Variants in GRID2IP observed in about 807,000 individuals in gnomAD.
The protein encoded by GRID2IP is Grid2 interacting protein, also known as delphilin.
A neutral mutation model predicts 114.3 loss-of-function variants in GRID2IP; 78 were observed. The observed-to-expected ratio is 0.68, with a 90% CI of 0.57 to 0.82. GRID2IP has a LOEUF of 0.82. Ranked by LOEUF, GRID2IP falls within the 40% of genes least tolerant of loss-of-function variation. The pLI is 0.00. For missense variants in GRID2IP, 1,727 were observed against 1,678.5 expected, an observed-to-expected ratio of 1.03 and a Z score of -0.51; for synonymous variants, 809 against 724.0, an observed-to-expected ratio of 1.12 and a Z score of -1.89.
At position 6,520,993 on chromosome 7, in the gene GRID2IP, CAG is replaced by C. The variant is rs1779400773; in HGVS notation, c.1085-234_1085-233del. 6.6e-6 allele frequency among the ~76,000 whole-genome samples: 1 copy of C among 152,144 alleles called. No individual in the cohort carries two copies. Among genetic ancestry groups the C allele is most frequent in the Non-Finnish European group, 1.5e-5 (1 of 68,018 alleles). ...GGTTTTTTGTTTGTTTGTTTTGAGA[CAG>C]AGTCTTGCTCTGTTGCCCAGGCGGG... On this transcript the variant is annotated intron_variant, in intron 6 of 21. Transcript: ENST00000457091. The surrounding 1 kb of genome is among the most constrained non-coding windows in gnomAD (Gnocchi z 4.6).
Position 6,541,889 on chromosome 7 carries a change from T to C in GRID2IP, c.430-2017A>G, listed in dbSNP as rs540278224. 1.2e-4 allele frequency among the ~76,000 whole-genome samples: 19 copies of C among 152,340 alleles called. 1 individual carries two copies. The South Asian group carries it at 3.1e-3, about 25-fold the overall frequency. On this transcript the variant is annotated intron_variant, in intron 1 of 21. Transcript: ENST00000457091. ...TGAGTGAGGTGGTTCACCTGTGTAT[T>C]ATTTCTAACACTAAGACGTTGGCAG... is the stretch of plus-strand genomic sequence containing the variant.
intron 13 of GRID2IP, 71 bp from the exon 14 acceptor site, chr7:6,505,978 C>G: frequency 3.8e-6 from 4 of 1,065,694 alleles, no homozygotes; most frequent in Non-Finnish European, 5.6e-6. Flanking sequence ...ACTTCCCACC[C>G]TCTGAGGGCT....
At chr7:6,538,364 TCAAAACAAAACAAAACAAAA>T (rs57880924) in intron 2 of GRID2IP, among the ~76,000 whole-genome samples, 1,674 of 144,124 alleles carry the variant, frequency 0.012, 13 homozygotes, top group African/African-American at 0.018. Flanking sequence ...AGACCCTGTC[TCAAAACAAAACAAAACAAAA>T]CAAAACAAAA....
At chr7:6,545,927 C>T (rs1779880889) in intron 1 of GRID2IP, among the ~76,000 whole-genome samples, 1 of 152,070 alleles carries the variant, frequency 6.6e-6, no homozygotes, top group African/African-American at 2.4e-5. Context: ...CAAAGGAGAA[C>T]ATGGCTGGCT....
At position 6,520,003 on chromosome 7, in the gene GRID2IP, C is replaced by T. The variant is rs564945047; in HGVS notation, c.1268+575G>A. ...AGAATGCTGCAGGTGGGCCAAGGCA[C>T]GGTGGCTCACGCCTGTAATCCCAGC... is the stretch of plus-strand genomic sequence containing the variant. On this transcript the variant is annotated intron_variant, in intron 7 of 21. Transcript: ENST00000457091. This position sits in a 1 kb window ranked among gnomAD's most constrained non-coding sequence, Gnocchi z 4.6. Among the ~76,000 whole-genome samples, 43 of 151,592 alleles carry T rather than the reference C, an allele frequency of 2.8e-4. No individual in the cohort carries two copies. The highest frequency in any genetic ancestry group is 6.3e-4 in the South Asian group (3 of 4,794).
In GRID2IP at chr7:6,551,133, A is replaced by G. The variant is rs1034031502; in HGVS notation, c.304T>C (p.Leu102=). ...CCGCGGCCGCACCGCGGGGCCCGCA[A>G]GACTGTGGTCGGGGCCGCGGGGCCG... is the stretch of plus-strand genomic sequence containing the variant. ...GSGPAAPTTV[L]RAPRCGRGLA... is the part of the protein sequence containing the mutation. Residue 102 remains leucine, a synonymous_variant, in exon 1 of 22, where the codon TTG becomes CTG. Coordinates refer to ENST00000457091, the MANE Select transcript of GRID2IP (RefSeq NM_001145118.2). The G allele has an allele frequency of 1.4e-4, 181 of 1,318,652 alleles. No homozygotes were observed. The African/African-American group carries it at 2.6e-3, about 19-fold the overall frequency. The allele number at this position is 1,318,652 out of a possible 1,614,324, so 81.7% of individuals were successfully genotyped here.
intron 1 of GRID2IP, among the ~76,000 whole-genome samples, chr7:6,545,254 G>A (rs1439080766): frequency 6.6e-6 from 1 of 152,084 alleles, no homozygotes; most frequent in African/African-American, 2.4e-5. Context: ...GCTCCAGCCT[G>A]GGTGACAGAT....
Position 6,551,060 on chromosome 7 carries a change from G to T in GRID2IP, c.377C>A (p.Pro126Gln). ...ELLRLAGRKR[P>Q]DAVHRERRRK... Reference sequence around the variant, plus strand: ...CCTGCGCTCTCGGTGCACCGCGTCCGGGCGCTTGCGGCCGGCCAGGCGAAG... The same window carrying T: ...CCTGCGCTCTCGGTGCACCGCGTCCTGGCGCTTGCGGCCGGCCAGGCGAAG... The change falls in exon 1 of 22, where the codon CCG (proline) becomes CAG (glutamine). Residue 126 changes from proline (P) to glutamine (Q), a missense_variant. By Grantham distance (76) the Pro-to-Gln change is moderately conservative (BLOSUM62 -1). Transcript: ENST00000457091. 7.7e-7 allele frequency: 1 copy of T among 1,301,088 alleles called. No homozygotes were observed. The highest frequency in any genetic ancestry group is 9.7e-7 in the Non-Finnish European group (1 of 1,028,582). The allele number at this position is 1,301,088 out of a possible 1,614,324, so 80.6% of individuals were successfully genotyped here. A position where few individuals can be genotyped will look rare whatever the true frequency, so the allele number is the denominator to read the frequency against.
In GRID2IP at chr7:6,508,428, A is replaced by C. The variant is rs1348703642; in HGVS notation, c.2128-27T>G. 8 of 1,550,292 alleles carry C rather than the reference A, an allele frequency of 5.2e-6. No homozygotes were observed. Among genetic ancestry groups the C allele is most frequent in the Non-Finnish European group, 7.0e-6 (8 of 1,146,892 alleles). ...TGGTGGTGGGGAGAGAGGCAAGGGGAGGGTGAGGCTGGGCCCAGAGAGACT... is the reference window on the plus strand; with the variant it reads ...TGGTGGTGGGGAGAGAGGCAAGGGGCGGGTGAGGCTGGGCCCAGAGAGACT... On this transcript the variant is annotated intron_variant, in intron 12 of 21. Coordinates refer to ENST00000457091, the MANE Select transcript of GRID2IP (RefSeq NM_001145118.2). This position sits in a 1 kb window ranked among gnomAD's most constrained non-coding sequence, Gnocchi z 5.6.
chr7:6,551,421 T>C lies in GRID2IP; in HGVS notation c.16A>G (p.Thr6Ala), dbSNP rs1315140092. MATTA[T>A]PATNQGWPED... Reference sequence around the variant, plus strand: ...GGCCAGCCCTGGTTCGTGGCCGGCGTGGCAGTGGTGGCCATGCACCTAGAA... The same window carrying C: ...GGCCAGCCCTGGTTCGTGGCCGGCGCGGCAGTGGTGGCCATGCACCTAGAA... The change falls in exon 1 of 22, where the codon ACG (threonine) becomes GCG (alanine). Residue 6 changes from threonine (T) to alanine (A), a missense_variant. Thr to Ala is a moderately conservative substitution (Grantham distance 58). Transcript: ENST00000457091. The C allele has an allele frequency of 6.5e-7, 1 of 1,544,012 alleles. No individual in the cohort carries two copies. Among genetic ancestry groups the C allele is most frequent in the South Asian group, 1.2e-5 (1 of 83,258 alleles).
rs948673273 is a variant in GRID2IP at position 6,507,743 on chromosome 7, G to A, written c.2544+242C>T. Among the ~76,000 whole-genome samples the A allele has an allele frequency of 1.3e-5, 2 of 152,214 alleles. No individual in the cohort carries two copies. Among genetic ancestry groups the A allele is most frequent in the Non-Finnish European group, 1.5e-5 (1 of 68,032 alleles). On this transcript the variant is annotated intron_variant, in intron 13 of 21. Coordinates refer to ENST00000457091, the MANE Select transcript of GRID2IP (RefSeq NM_001145118.2). The surrounding 1 kb of genome is among the most constrained non-coding windows in gnomAD (Gnocchi z 5.3). The stretch of plus-strand genomic sequence containing the variant: ...CTCAAAAGTGATAGGTTTCAAGGAT[G>A]GGTAGGGTGGCATTTCCAGGTGTCC...
At chr7:6,548,143 AG>A (rs1779915331) in intron 1 of GRID2IP, among the ~76,000 whole-genome samples, 1 of 152,322 alleles carries the variant, frequency 6.6e-6, no homozygotes, top group South Asian at 2.1e-4. Flanking sequence ...TCCTGAGGTC[AG>A]GAGTTCAAGA....
At chr7:6,518,336 GA>G in intron 7 of GRID2IP, among the ~76,000 whole-genome samples, 1 of 152,206 alleles carries the variant, frequency 6.6e-6, no homozygotes, top group South Asian at 2.1e-4. Context: ...AATTTATAGA[GA>G]AAAATCCCAG....
chr7:6,524,233 A>G (rs962405044), intron 4 of GRID2IP, among the ~76,000 whole-genome samples: 1 of 152,216 alleles, frequency 6.6e-6, no homozygotes, highest in African/African-American at 2.4e-5. Flanking sequence ...GGCTGGGACT[A>G]CAGGATCAGA....
Position 6,503,047 on chromosome 7 carries a change from C to T in GRID2IP, c.3024G>A (p.Leu1008=). ...CGAGCTTCCGACTGTTTTTGAGCTCCAGGGAGGCCTGGCGCAAGCATTCAA... is the reference window on the plus strand; with the variant it reads ...CGAGCTTCCGACTGTTTTTGAGCTCTAGGGAGGCCTGGCGCAAGCATTCAA... ...GSLECLRQAS[L]ELKNSRKLAK... is the part of the protein sequence containing the mutation. The change falls in exon 17 of 22, where the codon CTG becomes CTA. Residue 1008 remains leucine, a synonymous_variant. Transcript: ENST00000457091. The T allele has an allele frequency of 6.4e-7, 1 of 1,551,540 alleles. No homozygotes were observed. Among genetic ancestry groups the T allele is most frequent in the Non-Finnish European group, 8.7e-7 (1 of 1,146,978 alleles).
chr7:6,550,840 T>A (rs894430866), intron 1 of GRID2IP, among the ~76,000 whole-genome samples, 168 bp downstream of exon 1: 3 of 150,112 alleles, frequency 2.0e-5, no homozygotes, highest in East Asian at 2.0e-4. Flanking sequence ...AAAAAAAAAA[T>A]GCAAAATTGT....
intron 2 of GRID2IP, among the ~76,000 whole-genome samples, chr7:6,529,937 A>C (rs1583348527): frequency 1.4e-4 from 19 of 134,116 alleles, no homozygotes; most frequent in African/African-American, 2.8e-4. Context: ...CTCCCCACCC[A>C]GCTTTCTCTC....
At chr7:6,545,852 C>T (rs146711538) in intron 1 of GRID2IP, among the ~76,000 whole-genome samples, 140 of 152,234 alleles carry the variant, frequency 9.2e-4, no homozygotes, top group African/African-American at 3.2e-3. Flanking sequence ...CGCCCCCTCC[C>T]CACGCACGCG....
At chr7:6,510,462 C>A in intron 10 of GRID2IP, 62 bp from the exon 11 acceptor site, 1 of 1,394,798 alleles carries the variant, frequency 7.2e-7, no homozygotes, top group Non-Finnish European at 9.6e-7. Flanking sequence ...TAATGTGGTC[C>A]AGGCCTGGGT....
Sources: gnomAD v4.1 joint callset for allele counts (sites outside exome capture counted in the v4.1 genomes callset) on GRCh38, gnomAD v4.1.1 for gene constraint, Gnocchi (gnomAD v3.1) non-coding constraint, MANE v1.5 for transcripts, NCBI Gene and HGNC (gene_info 2026-07-23, HGNC 2026-07-21) for gene names.